RABGAP1L: variants seen among roughly 807,000 people sequenced by gnomAD.
RABGAP1L encodes RAB GTPase activating protein 1 like, also known as rab GTPase-activating protein 1-like.
A neutral mutation model predicts 137.7 loss-of-function variants in RABGAP1L; 63 were observed. That is an observed-to-expected ratio of 0.46 (90% confidence interval 0.37 to 0.56). RABGAP1L has a LOEUF of 0.56. Among genes scored for constraint, RABGAP1L ranks in the 20% least tolerant of loss-of-function variants. The probability of loss-of-function intolerance (pLI) is 0.00; values close to 1 mark genes in which losing one functional copy is unlikely to be tolerated. For synonymous variants in RABGAP1L, 431 were observed against 433.7 expected (o/e 0.99, Z 0.08); for missense variants, 1,095 against 1,244.0 (o/e 0.88, Z 1.80).
chr1:174,678,226 A>G (rs1299646335), intron 14 of RABGAP1L, among the ~76,000 whole-genome samples: 1 of 152,234 alleles, frequency 6.6e-6, no homozygotes, highest in African/African-American at 2.4e-5. Flanking sequence ...CTCTATTTCC[A>G]CTAAAGAAAT....
chr1:174,219,874 C>A (rs1414090839), intron 2 of RABGAP1L, among the ~76,000 whole-genome samples: 1 of 152,046 alleles, frequency 6.6e-6, no homozygotes, highest in African/African-American at 2.4e-5. Flanking sequence ...GTATAACTGT[C>A]TTCTAGAAAC....
intron 11 of RABGAP1L, among the ~76,000 whole-genome samples, chr1:174,306,152 T>C (rs549988230): frequency 3.3e-5 from 5 of 152,366 alleles, no homozygotes; most frequent in African/African-American, 1.2e-4. Flanking sequence ...ATTTTCGTAA[T>C]CCAGTCTATC....
intron 18 of RABGAP1L, among the ~76,000 whole-genome samples, chr1:174,785,214 G>A (rs565593229): frequency 1.4e-3 from 219 of 152,168 alleles, no homozygotes; most frequent in African/African-American, 5.0e-3. Flanking sequence ...ACAGGCATGC[G>A]CCGCCAATCA....
intron 21 of RABGAP1L, among the ~76,000 whole-genome samples, chr1:174,970,119 T>C (rs75985754): frequency 0.012 from 1,862 of 152,292 alleles, 38 homozygotes; most frequent in African/African-American, 0.043. Flanking sequence ...TTTAAAAAGT[T>C]GTGGCCCTGT....
intron 20 of RABGAP1L, among the ~76,000 whole-genome samples, chr1:174,960,785 T>C (rs966831563): frequency 2.6e-5 from 4 of 152,222 alleles, no homozygotes; most frequent in African/African-American, 9.6e-5. Flanking sequence ...TGACTATTGA[T>C]CTTATATGTG....
At chr1:174,460,825 AAAAC>A (rs1319754166) in intron 13 of RABGAP1L, among the ~76,000 whole-genome samples, 1 of 152,068 alleles carries the variant, frequency 6.6e-6, no homozygotes, top group African/African-American at 2.4e-5. Context: ...TCCCTACACT[AAAAC>A]AGATAGATAG....
At chr1:174,879,397 CTTT>C (rs34724195) in intron 19 of RABGAP1L, among the ~76,000 whole-genome samples, 1 of 150,326 alleles carries the variant, frequency 6.7e-6, no homozygotes, top group East Asian at 2.0e-4. Flanking sequence ...GGTGCACAGC[CTTT>C]TTTTTTGTAT....
intron 13 of RABGAP1L, among the ~76,000 whole-genome samples, chr1:174,586,815 C>G (rs564365017): frequency 2.0e-5 from 3 of 152,076 alleles, no homozygotes; most frequent in African/African-American, 7.2e-5. Context: ...AGTCTGATCT[C>G]GAACTCTTGG....
intron 11 of RABGAP1L, among the ~76,000 whole-genome samples, chr1:174,352,372 A>G (rs961957275): frequency 2.0e-5 from 3 of 151,958 alleles, no homozygotes; most frequent in Non-Finnish European, 4.4e-5. Context: ...TTCATTCTTC[A>G]GTATGTCAGT....
Position 174,993,845 on chromosome 1 carries a change from C to T in RABGAP1L, c.*3844C>T, listed in dbSNP as rs1430835473. 1.3e-5 allele frequency: 2 copies of T among 152,204 alleles called. No individual in the cohort carries two copies. Among genetic ancestry groups the T allele is most frequent in the African/African-American group, 4.8e-5 (2 of 41,454 alleles). 9.4% of individuals were successfully genotyped at this position (152,204 alleles called of 1,614,324 possible). On this transcript the variant is annotated 3_prime_UTR_variant, in exon 26 of 26. Transcript: ENST00000681986. The stretch of plus-strand genomic sequence containing the variant: ...TAAAAACACTCCAAAATACTGACTC[C>T]TTTTCTCCAATTACAAATGAGTGTG...
intron 19 of RABGAP1L, among the ~76,000 whole-genome samples, chr1:174,883,993 G>A (rs773695852): frequency 5.9e-5 from 9 of 152,172 alleles, no homozygotes; most frequent in African/African-American, 1.9e-4. Flanking sequence ...AGGTTATCAA[G>A]AATAGAATGG....
rs918485050 is a variant in RABGAP1L at position 174,988,848 on chromosome 1, T to C, written c.3003+10T>C. On this transcript the variant is annotated intron_variant, in intron 25 of 25. Transcript: ENST00000681986. ...CAAGTGTAAAATTCAGGTTGGTGAT[T>C]TGATAAAAGAACAAGAAGAAAGAAT... 3.9e-6 allele frequency: 6 copies of C among 1,533,550 alleles called. No homozygotes were observed. Among genetic ancestry groups the C allele is most frequent in the African/African-American group, 1.4e-5 (1 of 72,202 alleles). The allele number at this position is 1,533,550 out of a possible 1,614,324, so 95.0% of individuals were successfully genotyped here. A position where few individuals can be genotyped will look rare whatever the true frequency, so the allele number is the denominator to read the frequency against.
intron 19 of RABGAP1L, among the ~76,000 whole-genome samples, chr1:174,842,351 G>C (rs902498696): frequency 1.3e-5 from 2 of 152,126 alleles, no homozygotes; most frequent in African/African-American, 4.8e-5. Context: ...CCTGAGGTGT[G>C]CTACTTTTTG....
At chr1:174,648,936 T>C (rs889359821) in intron 14 of RABGAP1L, among the ~76,000 whole-genome samples, 3 of 152,144 alleles carry the variant, frequency 2.0e-5, no homozygotes, top group Non-Finnish European at 4.4e-5. Context: ...GTTGAATTGA[T>C]CCCTTTACCA....
chr1:174,246,374 GT>G (rs906143614), intron 5 of RABGAP1L: 4 of 152,162 alleles, frequency 2.6e-5, no homozygotes, highest in Non-Finnish European at 5.9e-5. Flanking sequence ...TTGTGTGTAT[GT>G]GTTTTAATAA....
At chr1:174,392,414 C>T (rs1647269532) in intron 12 of RABGAP1L, among the ~76,000 whole-genome samples, 1 of 152,098 alleles carries the variant, frequency 6.6e-6, no homozygotes, top group African/African-American at 2.4e-5. Flanking sequence ...GGCAGCATAA[C>T]TGTTATTTTA....
chr1:174,978,896 GTACT>G lies in RABGAP1L; in HGVS notation c.2733+8_2733+11del. ...TCATTGCTGAGTATAAACAGGTAAT[GTACT>G]TCTGTGGCACATAGAGCTAGTTATA... On this transcript the variant is annotated splice_region_variant and intron_variant, in intron 23 of 25. Coordinates refer to ENST00000681986, the MANE Select transcript of RABGAP1L (RefSeq NM_001366446.1). 1 of 1,502,712 alleles carries G rather than the reference GTACT, an allele frequency of 6.7e-7. No individual in the cohort carries two copies. Among genetic ancestry groups the G allele is most frequent in the South Asian group, 1.3e-5 (1 of 75,446 alleles). The allele number at this position is 1,502,712 out of a possible 1,614,324, so 93.1% of individuals were successfully genotyped here.
chr1:174,307,398 G>C (rs768663662), intron 11 of RABGAP1L, among the ~76,000 whole-genome samples: 70 of 152,206 alleles, frequency 4.6e-4, no homozygotes, highest in Admixed American at 7.2e-4. Flanking sequence ...CCTCTATCTA[G>C]TTCTTAAACA....
intron 18 of RABGAP1L, among the ~76,000 whole-genome samples, chr1:174,808,217 G>A (rs1689513845): frequency 6.6e-6 from 1 of 151,890 alleles, no homozygotes; most frequent in Non-Finnish European, 1.5e-5. Flanking sequence ...TCAATCTCCT[G>A]ATCTCGTGAT....
Sources: allele counts gnomAD v4.1 joint callset (sites outside exome capture counted in the v4.1 genomes callset), GRCh38; gene constraint gnomAD v4.1.1; transcripts MANE v1.5; gene names NCBI Gene and HGNC (gene_info 2026-07-23, HGNC 2026-07-21).